The following CAMSAP2 variants were observed in gnomAD, a reference collection of about 807,000 sequenced individuals.
The protein encoded by CAMSAP2 is calmodulin-regulated spectrin-associated protein 2.
A neutral mutation model predicts 146.1 loss-of-function variants in CAMSAP2; 26 were observed. The ratio of observed to expected loss-of-function variants is 0.18; its 90% CI spans 0.13 to 0.25. The LOEUF is 0.25. Among genes scored for constraint, CAMSAP2 ranks in the 10% least tolerant of loss-of-function variants. CAMSAP2 has a pLI of 1.00. For synonymous variants in CAMSAP2, 499 were observed against 596.6 expected (o/e 0.84, Z 2.38); for missense variants, 1,381 against 1,759.3 (o/e 0.78, Z 3.85).
chr1:200,848,343 A>G lies in CAMSAP2; in HGVS notation c.1574A>G (p.Gln525Arg), dbSNP rs572240251. 26 of 1,613,854 alleles carry G rather than the reference A, an allele frequency of 1.6e-5. No homozygotes were observed. The South Asian group carries it at 2.9e-4, about 18-fold the overall frequency. ...TACAAGCTTCCAAATGGAGCTTTAC[A>G]AAATAGAATACTTCTTGACGAGTTT... is the stretch of plus-strand genomic sequence containing the variant. ...IHYKLPNGAL[Q>R]NRILLDEFGN... The change falls in exon 11 of 17, where the codon CAA becomes CGA. Residue 525 changes from glutamine (Q) to arginine (R), a missense_variant. Transcript: ENST00000358823.
chr1:200,809,814 G>A (rs1182650693), intron 3 of CAMSAP2, among the ~76,000 whole-genome samples: 1 of 152,162 alleles, frequency 6.6e-6, no homozygotes, highest in Admixed American at 6.5e-5. Flanking sequence ...TTATAGCTAT[G>A]GAGGCTAAGA....
intron 2 of CAMSAP2, among the ~76,000 whole-genome samples, chr1:200,767,057 G>A (rs1187445878): frequency 6.6e-6 from 1 of 152,150 alleles, no homozygotes; most frequent in African/African-American, 2.4e-5. Context: ...CAGGCAGGGC[G>A]TGGTGGCTCA....
At chr1:200,753,672 C>T (rs1404446841) in intron 1 of CAMSAP2, among the ~76,000 whole-genome samples, 1 of 152,188 alleles carries the variant, frequency 6.6e-6, no homozygotes, top group African/African-American at 2.4e-5. Context: ...TCCTAAACCC[C>T]TACTACTTCT....
chr1:200,852,743 A>G, intron 12 of CAMSAP2, 66 bp downstream of exon 12: 3 of 1,509,118 alleles, frequency 2.0e-6, no homozygotes, highest in Non-Finnish European at 2.7e-6. Context: ...ATTTAGAAAA[A>G]GTTGGTAAGT....
At chr1:200,779,985 G>A (rs1213432164) in intron 2 of CAMSAP2, among the ~76,000 whole-genome samples, 2 of 152,010 alleles carry the variant, frequency 1.3e-5, no homozygotes, top group Non-Finnish European at 2.9e-5. Context: ...TAAATACTAT[G>A]CATAGGTACC....
chr1:200,769,245 T>C (rs1256922744), intron 2 of CAMSAP2, among the ~76,000 whole-genome samples: 1 of 152,146 alleles, frequency 6.6e-6, no homozygotes, highest in Admixed American at 6.5e-5. Context: ...CAAAAACAAG[T>C]AAAGGAACAG....
chr1:200,842,086 A>C lies in CAMSAP2; in HGVS notation c.1020A>C (p.Gly340=). Residue 340 remains glycine, a splice_region_variant and synonymous_variant, in exon 7 of 17, where the codon GGA becomes GGC. Transcript: ENST00000358823. The part of the protein sequence containing the change: ...FVQPRVVRPQ[G]AEPVKDMPSI... ...AGCCTCGTGTTGTTCGTCCACAAGG[A>C]GGTAATCAATCTTTTTAATTTTAAA... 6.2e-7 allele frequency: 1 copy of C among 1,609,996 alleles called. No homozygotes were observed. Among genetic ancestry groups the C allele is most frequent in the Non-Finnish European group, 8.5e-7 (1 of 1,176,312 alleles).
chr1:200,805,667 G>T (rs897851666), intron 2 of CAMSAP2, among the ~76,000 whole-genome samples: 1 of 152,172 alleles, frequency 6.6e-6, no homozygotes, highest in Non-Finnish European at 1.5e-5. Flanking sequence ...ATTGGAAAGA[G>T]AACTGGAAAA....
intron 1 of CAMSAP2, among the ~76,000 whole-genome samples, chr1:200,759,197 C>G (rs1428210886): frequency 6.6e-6 from 1 of 151,978 alleles, no homozygotes; most frequent in African/African-American, 2.4e-5. Context: ...ATCTTTTTTC[C>G]CTACTCTTTC....
intron 4 of CAMSAP2, among the ~76,000 whole-genome samples, chr1:200,823,380 A>G (rs1442098417): frequency 1.3e-5 from 2 of 152,262 alleles, no homozygotes; most frequent in Non-Finnish European, 2.9e-5. Flanking sequence ...TAATGTTAAC[A>G]TCTTACGTAA....
chr1:200,838,118 A>T (rs12758336), intron 6 of CAMSAP2, among the ~76,000 whole-genome samples: 5 of 152,112 alleles, frequency 3.3e-5, no homozygotes, highest in Admixed American at 6.6e-5. Flanking sequence ...CATAATCTTC[A>T]TAAGTTTTAA....
At chr1:200,815,697 C>T in intron 4 of CAMSAP2, 53 bp downstream of exon 4, 3 of 867,348 alleles carry the variant, frequency 3.5e-6, no homozygotes, top group Non-Finnish European at 3.5e-6. Context: ...TATATGTTCA[C>T]ATATTTGTAT....
chr1:200,843,402 G>A (rs1667377112), intron 7 of CAMSAP2, among the ~76,000 whole-genome samples: 1 of 152,166 alleles, frequency 6.6e-6, no homozygotes, highest in South Asian at 2.1e-4. Flanking sequence ...TCTTAAGGCA[G>A]ATTCTGAATA....
At chr1:200,817,542 C>A (rs1180681753) in intron 4 of CAMSAP2, among the ~76,000 whole-genome samples, 1 of 152,072 alleles carries the variant, frequency 6.6e-6, no homozygotes, top group East Asian at 1.9e-4. Context: ...AAATTGTAAT[C>A]ATTCAGAAAC....
chr1:200,850,915 G>A (rs1238927607), intron 11 of CAMSAP2, among the ~76,000 whole-genome samples: 1 of 152,164 alleles, frequency 6.6e-6, no homozygotes, highest in Non-Finnish European at 1.5e-5. Context: ...AAACCCTTTA[G>A]CACAACATTC....
chr1:200,800,109 A>G (rs1665995724), intron 2 of CAMSAP2, among the ~76,000 whole-genome samples: 1 of 152,224 alleles, frequency 6.6e-6, no homozygotes, highest in African/African-American at 2.4e-5. Flanking sequence ...ATTTTAGAAT[A>G]AGTGCAATGT....
chr1:200,837,304 G>A (rs1257267111), intron 6 of CAMSAP2, among the ~76,000 whole-genome samples: 1 of 152,038 alleles, frequency 6.6e-6, no homozygotes, highest in Non-Finnish European at 1.5e-5. Flanking sequence ...CATCTTCTGA[G>A]TATGGCTAGA....
chr1:200,770,469 A>T (rs1665085511), intron 2 of CAMSAP2, among the ~76,000 whole-genome samples: 1 of 150,046 alleles, frequency 6.7e-6, no homozygotes, highest in African/African-American at 2.5e-5. Flanking sequence ...GCTGGAGTGC[A>T]GTGGCGCCAT....
intron 3 of CAMSAP2, among the ~76,000 whole-genome samples, chr1:200,815,230 T>C (rs896252409): frequency 2.0e-5 from 3 of 152,200 alleles, no homozygotes; most frequent in African/African-American, 7.2e-5. Context: ...AAATAGATTG[T>C]AAAATTTTTA....
Sources: allele counts gnomAD v4.1 joint callset (sites outside exome capture counted in the v4.1 genomes callset), GRCh38; gene constraint gnomAD v4.1.1; transcripts MANE v1.5; gene names NCBI Gene and HGNC (gene_info 2026-07-23, HGNC 2026-07-21).